The following SZT2 variants were observed in gnomAD, a reference collection of about 807,000 sequenced individuals.
SZT2 encodes SZT2 subunit of KICSTOR complex.
SZT2 carries 216 observed loss-of-function variants against 404.2 expected under a neutral mutation model. The observed-to-expected ratio is 0.53, with a 90% confidence interval of 0.48 to 0.60. The LOEUF (loss-of-function observed/expected upper bound fraction) is 0.60, where lower values mean the gene tolerates loss of function less well. Among genes scored for constraint, SZT2 ranks in the 20% least tolerant of loss-of-function variants. SZT2 has a pLI of 0.00. For synonymous variants in SZT2, 1,693 were observed against 1,749.9 expected, an observed-to-expected ratio of 0.97 and a Z score of 0.81; for missense variants, 3,857 against 4,459.2, an observed-to-expected ratio of 0.86 and a Z score of 3.85.
chr1:43,398,520 G>C (rs753537455), intron 1 of SZT2, among the ~76,000 whole-genome samples: 1 of 152,166 alleles, frequency 6.6e-6, no homozygotes, highest in Non-Finnish European at 1.5e-5. Context: ...AACTTTGGCA[G>C]TATCCAGCAT....
In SZT2 at chr1:43,452,886, C is replaced by T. The variant is rs760547997; in HGVS notation, c.*2406C>T. The T allele has an allele frequency of 1.9e-6, 3 of 1,587,060 alleles. No homozygotes were observed. The highest frequency in any genetic ancestry group is 2.6e-6 in the Non-Finnish European group (3 of 1,167,680). ...AAGCAGACATTCCAGGCCTCCCCAT[C>T]CCAACAGGCTACATACATGTCCAGC... is the stretch of plus-strand genomic sequence containing the variant. On this transcript the variant is annotated 3_prime_UTR_variant, in exon 72 of 72. Transcript: ENST00000634258.
At position 43,421,319 on chromosome 1, in the gene SZT2, G is replaced by A. The variant is rs1652334264; in HGVS notation, c.1626+16G>A. The A allele has an allele frequency of 6.3e-7, 1 of 1,597,602 alleles. No individual in the cohort carries two copies. The highest frequency in any genetic ancestry group is 8.5e-7 in the Non-Finnish European group (1 of 1,179,300). On this transcript the variant is annotated intron_variant, in intron 11 of 71. Coordinates refer to ENST00000634258, the MANE Select transcript of SZT2 (RefSeq NM_001365999.1). Reference sequence around the variant, plus strand: ...CACCACCCCGGTGAGTAGCTCTGAAGTATAGTAGCCCCATTTCATGTCAAC... The same window carrying A: ...CACCACCCCGGTGAGTAGCTCTGAAATATAGTAGCCCCATTTCATGTCAAC...
rs755020575 is a variant in SZT2, at chr1:43,427,184, C to A, written c.3433+5C>A. On this transcript the variant is annotated splice_donor_5th_base_variant and intron_variant, in intron 24 of 71. Transcript: ENST00000634258. ...TTCTCCCAGCTACCTTCTCAGGTGC[C>A]AGCTGCTGACCTCCTCACGAACCCC... is the stretch of plus-strand genomic sequence containing the variant. The A allele has an allele frequency of 2.4e-5, 39 of 1,614,122 alleles. 1 individual carries two copies. In the South Asian group the frequency reaches 2.9e-4, roughly 12 times the overall value.
In SZT2 at chr1:43,403,673, C is replaced by T. The variant is rs1439472393; in HGVS notation, c.226C>T (p.Pro76Ser). The T allele has an allele frequency of 6.2e-7, 1 of 1,614,134 alleles. No homozygotes were observed. Among genetic ancestry groups the T allele is most frequent in the Non-Finnish European group, 8.5e-7 (1 of 1,180,030 alleles). Residue 76 changes from proline (P) to serine (S), a missense_variant, in exon 3 of 72, where the codon CCA becomes TCA. Physicochemically the swap from Pro to Ser is moderately conservative, Grantham distance 74. Around this residue, in one of 7 missense-constraint regions of SZT2, gnomAD observed 536 missense variants for 637.4 expected, o/e 0.84. Transcript: ENST00000634258. ...PGWQPDEPVV[P>S]RPFLLVPSTR... ...GTGGCAGCCAGATGAACCAGTGGTC[C>T]CAAGGCCATTCCTCCTGGTACCTTC...
chr1:43,404,704 C>A, intron 4 of SZT2, 154 bp downstream of exon 4: 1 of 725,932 alleles, frequency 1.4e-6, no homozygotes, highest in Non-Finnish European at 2.2e-6. Context: ...GAGTCTCTCT[C>A]TCCTTGAGAA....
In SZT2 at chr1:43,454,100, A is replaced by C; in HGVS notation, c.*3620A>C. The C allele has an allele frequency of 9.3e-7, 1 of 1,076,516 alleles. No homozygotes were observed. The highest frequency in any genetic ancestry group is 1.1e-6 in the Non-Finnish European group (1 of 885,314). The allele number at this position is 1,076,516 out of a possible 1,614,324, so 66.7% of individuals were successfully genotyped here. On this transcript the variant is annotated 3_prime_UTR_variant, in exon 72 of 72. Transcript: ENST00000634258. ...GCCTGAGAGCCGGACGCGAAGCAAG[A>C]GAGAGCTGGCTGCCCGAGGGCCCGG...
At position 43,450,284 on chromosome 1, in the gene SZT2, A is replaced by G. The variant is rs1440581318; in HGVS notation, c.10156-53A>G. On this transcript the variant is annotated intron_variant, in intron 71 of 71. Coordinates refer to ENST00000634258, the MANE Select transcript of SZT2 (RefSeq NM_001365999.1). This position sits in a 1 kb window ranked among gnomAD's most constrained non-coding sequence, Gnocchi z 4.3. ...CCACCCTTTCTGAGCCCTGCCTCCT[A>G]TCCCCACCCATGCCCTCCTCTCACC... 2 of 1,613,540 alleles carry G rather than the reference A, an allele frequency of 1.2e-6. No homozygotes were observed. Among genetic ancestry groups the G allele is most frequent in the Non-Finnish European group, 1.7e-6 (2 of 1,179,670 alleles).
rs1557560476 is a variant in SZT2, at chr1:43,427,925, T to A, written c.3804-78T>A. ...TTGATATGTGTCTATAGATGATCCA[T>A]TGGAGTGTGGATGGCTAATGAGTGT... On this transcript the variant is annotated intron_variant, in intron 26 of 71. Coordinates refer to ENST00000634258, the MANE Select transcript of SZT2 (RefSeq NM_001365999.1). 18 of 1,369,938 alleles carry A rather than the reference T, an allele frequency of 1.3e-5. No individual in the cohort carries two copies. The East Asian group carries it at 4.3e-4, about 33-fold the overall frequency. The allele number at this position is 1,369,938 out of a possible 1,614,324, so 84.9% of individuals were successfully genotyped here.
At chr1:43,407,379 G>T (rs1650443250) in intron 4 of SZT2, among the ~76,000 whole-genome samples, 1 of 152,168 alleles carries the variant, frequency 6.6e-6, no homozygotes, top group Non-Finnish European at 1.5e-5. Flanking sequence ...AGCTGGGCGT[G>T]ATGGTGCATA....
intron 7 of SZT2, among the ~76,000 whole-genome samples, chr1:43,418,025 A>C (rs1166509002): frequency 6.6e-6 from 1 of 152,234 alleles, no homozygotes; most frequent in Admixed American, 6.5e-5. Context: ...AAAAAGATCA[A>C]GTAAAATGAG....
chr1:43,421,360 T>TCTGGAGCCCAGGAC, intron 11 of SZT2, 57 bp downstream of exon 11: 1 of 1,580,362 alleles, frequency 6.3e-7, no homozygotes, highest in Non-Finnish European at 8.5e-7. Context: ...TTGCACAGCA[T>TCTGGAGCCCAGGAC]CTGGAGCCCA....
chr1:43,422,661 C>T (rs1264378871), intron 13 of SZT2, 29 bp downstream of exon 13: 12 of 879,358 alleles, frequency 1.4e-5, no homozygotes, highest in African/African-American at 4.2e-5. Flanking sequence ...CTTCACCCCC[C>T]GCCCCCCCAC....
rs1335736748 is a variant in SZT2, at chr1:43,433,024, G to A, written c.5638G>A (p.Gly1880Ser). The A allele has an allele frequency of 1.2e-6, 2 of 1,613,906 alleles. No individual in the cohort carries two copies. Among genetic ancestry groups the A allele is most frequent in the Non-Finnish European group, 1.7e-6 (2 of 1,180,022 alleles). ...DGGSSGSDSE[G>S]PNDTLGEKAP... ...TGGCAGCAGTGGCTCAGACAGTGAG[G>A]GTCCCAATGACACCCTTGGTGAGAA... The change falls in exon 40 of 72, where the codon GGT becomes AGT. Residue 1880 changes from glycine to serine, a missense_variant. This residue lies in a region of SZT2 where 1,725 missense variants were observed against 1,881.0 expected (regional missense o/e 0.92). Coordinates refer to ENST00000634258, the MANE Select transcript of SZT2 (RefSeq NM_001365999.1).
intron 28 of SZT2, 148 bp downstream of exon 28, chr1:43,428,634 C>T: frequency 1.8e-6 from 2 of 1,121,932 alleles, no homozygotes; most frequent in Non-Finnish European, 2.5e-6. Flanking sequence ...CACGGACTCC[C>T]ATGCAGCCTT....
chr1:43,454,104 A>C lies in SZT2; in HGVS notation c.*3624A>C. On this transcript the variant is annotated 3_prime_UTR_variant, in exon 72 of 72. Coordinates refer to ENST00000634258, the MANE Select transcript of SZT2 (RefSeq NM_001365999.1). The stretch of plus-strand genomic sequence containing the variant: ...GAGAGCCGGACGCGAAGCAAGAGAG[A>C]GCTGGCTGCCCGAGGGCCCGGTTGC... 2 of 1,061,828 alleles carry C rather than the reference A, an allele frequency of 1.9e-6. No homozygotes were observed. The highest frequency in any genetic ancestry group is 2.3e-6 in the Non-Finnish European group (2 of 872,906). The allele number at this position is 1,061,828 out of a possible 1,614,324, so 65.8% of individuals were successfully genotyped here.
Position 43,425,389 on chromosome 1 carries a change from T to C in SZT2, c.2646-85T>C. The C allele has an allele frequency of 6.3e-7, 1 of 1,577,486 alleles. No individual in the cohort carries two copies. Among genetic ancestry groups the C allele is most frequent in the Non-Finnish European group, 8.6e-7 (1 of 1,156,636 alleles). On this transcript the variant is annotated intron_variant, in intron 18 of 71. Coordinates refer to ENST00000634258, the MANE Select transcript of SZT2 (RefSeq NM_001365999.1). This position sits in a 1 kb window ranked among gnomAD's most constrained non-coding sequence, Gnocchi z 4.3. ...GAAGGCCTTGTATGACTCGTGGCTG[T>C]CCTCTGTGCCTGCCTCCTTCCCTCC... is the stretch of plus-strand genomic sequence containing the variant.
chr1:43,407,121 C>T (rs1041589853), intron 4 of SZT2, among the ~76,000 whole-genome samples: 2 of 152,058 alleles, frequency 1.3e-5, no homozygotes, highest in African/African-American at 2.4e-5. Context: ...AGGACAGCAG[C>T]TATAGGGAAG....
chr1:43,422,416 T>A (rs576396858), intron 12 of SZT2, 64 bp from the exon 13 acceptor site: 1 of 1,514,418 alleles, frequency 6.6e-7, no homozygotes, highest in Non-Finnish European at 8.8e-7. Flanking sequence ...GTGATAGTAG[T>A]CTATTCCTTT....
chr1:43,426,071 A>AGAT lies in SZT2; in HGVS notation c.2964_2966dup (p.Glu988_Ile989insMet), dbSNP rs2153933165. The AGAT allele has an allele frequency of 6.2e-7, 1 of 1,614,066 alleles. No individual in the cohort carries two copies. The highest frequency in any genetic ancestry group is 8.5e-7 in the Non-Finnish European group (1 of 1,179,996). On this transcript the variant is annotated inframe_insertion, in exon 21 of 72. Coordinates refer to ENST00000634258, the MANE Select transcript of SZT2 (RefSeq NM_001365999.1). This position sits in a 1 kb window ranked among gnomAD's most constrained non-coding sequence, Gnocchi z 4.9. ...CAGGGAGGAGACACCTGCGTCCATG[A>AGAT]GATCCCTTTCCATTTTGACCTAATG...
Sources: gnomAD v4.1 joint callset for allele counts (sites outside exome capture counted in the v4.1 genomes callset) on GRCh38, gnomAD v4.1.1 for gene constraint, gnomAD v4.1.1 regional missense constraint, Gnocchi (gnomAD v3.1) non-coding constraint, MANE v1.5 for transcripts, NCBI Gene and HGNC (gene_info 2026-07-23, HGNC 2026-07-21) for gene names.